SLC2A13: variants seen among roughly 807,000 people sequenced by gnomAD.
The protein encoded by SLC2A13 is solute carrier family 2 member 13, also known as proton myo-inositol cotransporter.
Under a neutral mutation model 64.4 loss-of-function variants are expected in SLC2A13, and 32 were observed. That is an observed-to-expected ratio of 0.50 (90% CI 0.37 to 0.67). The LOEUF (loss-of-function observed/expected upper bound fraction) is 0.67, where lower values mean the gene tolerates loss of function less well. Ranked by LOEUF, SLC2A13 falls within the 30% of genes least tolerant of loss-of-function variation. The pLI is 0.00. For synonymous variants in SLC2A13, 338 were observed against 327.1 expected (o/e 1.03, Z -0.36); for missense variants, 743 against 829.2 (o/e 0.90, Z 1.28).
At chr12:40,082,208 G>C (rs766764913) in intron 1 of SLC2A13, among the ~76,000 whole-genome samples, 31 of 152,208 alleles carry the variant, frequency 2.0e-4, no homozygotes, top group African/African-American at 7.2e-4. Flanking sequence ...TACACATAGT[G>C]TTCACTGAGC....
At chr12:39,951,180 T>G (rs762511416) in intron 4 of SLC2A13, 77 bp downstream of exon 4, 283 of 1,263,170 alleles carry the variant, frequency 2.2e-4, no homozygotes, top group Non-Finnish European at 3.1e-4. Context: ...AGTATTTACA[T>G]GAAATACTTT....
At chr12:39,920,561 A>C (rs939907484) in intron 4 of SLC2A13, among the ~76,000 whole-genome samples, 2 of 152,072 alleles carry the variant, frequency 1.3e-5, no homozygotes, top group Non-Finnish European at 2.9e-5. Context: ...CATGTAGCAA[A>C]GCATCTGGTC....
At chr12:39,999,492 AG>A (rs1390829242) in intron 3 of SLC2A13, among the ~76,000 whole-genome samples, 106 of 152,274 alleles carry the variant, frequency 7.0e-4, no homozygotes, top group African/African-American at 2.5e-3. Context: ...AGTTGAGATA[AG>A]GACTGAAATA....
chr12:39,785,976 T>C (rs1209367853), intron 7 of SLC2A13, among the ~76,000 whole-genome samples: 1 of 152,196 alleles, frequency 6.6e-6, no homozygotes, highest in Non-Finnish European at 1.5e-5. Context: ...TACAGGCTCA[T>C]AGGTGGAAGG....
At chr12:40,036,721 A>G in intron 2 of SLC2A13, among the ~76,000 whole-genome samples, 1 of 152,138 alleles carries the variant, frequency 6.6e-6, no homozygotes. Flanking sequence ...GAATCCTCCA[A>G]CTTTGTTCTT....
At chr12:39,968,698 C>T (rs11564201) in intron 3 of SLC2A13, among the ~76,000 whole-genome samples, 25 of 133,980 alleles carry the variant, frequency 1.9e-4, no homozygotes, top group Non-Finnish European at 3.6e-4. Context: ...CACACTTTCC[C>T]ATTACTGACA....
intron 3 of SLC2A13, among the ~76,000 whole-genome samples, chr12:39,987,222 G>A (rs1443300315): frequency 6.6e-6 from 1 of 152,108 alleles, no homozygotes; most frequent in Non-Finnish European, 1.5e-5. Context: ...TGTGGTCTCT[G>A]CCCCCAAGGA....
At chr12:40,005,590 T>G (rs966926704) in intron 3 of SLC2A13, among the ~76,000 whole-genome samples, 1 of 152,216 alleles carries the variant, frequency 6.6e-6, no homozygotes, top group African/African-American at 2.4e-5. Flanking sequence ...CACCTGAAAC[T>G]TGCTAGAAAT....
chr12:39,932,712 C>A (rs543547879), intron 4 of SLC2A13, among the ~76,000 whole-genome samples: 1 of 152,068 alleles, frequency 6.6e-6, no homozygotes, highest in African/African-American at 2.4e-5. Flanking sequence ...TAAATTCAGA[C>A]GCAAGTGACA....
chr12:39,927,772 CA>C (rs1214320071), intron 4 of SLC2A13, among the ~76,000 whole-genome samples: 50 of 152,140 alleles, frequency 3.3e-4, no homozygotes, highest in African/African-American at 1.2e-3. Context: ...ATTAATTTGA[CA>C]AGTTTATTAA....
chr12:39,940,922 T>C (rs1175594783), intron 4 of SLC2A13, among the ~76,000 whole-genome samples: 2 of 151,920 alleles, frequency 1.3e-5, no homozygotes, highest in Non-Finnish European at 2.9e-5. Context: ...CACCTTTGCG[T>C]CCTCATAGCT....
At chr12:40,005,875 C>T (rs1947407939) in intron 3 of SLC2A13, among the ~76,000 whole-genome samples, 1 of 152,194 alleles carries the variant, frequency 6.6e-6, no homozygotes, top group Non-Finnish European at 1.5e-5. Context: ...GGTTCTCAAC[C>T]TTGGCTGCAT....
chr12:39,798,662 C>A (rs1055656622), intron 7 of SLC2A13, among the ~76,000 whole-genome samples: 15 of 152,156 alleles, frequency 9.9e-5, no homozygotes, highest in African/African-American at 3.4e-4. Context: ...TGGAACAGCC[C>A]GGGCTAGTGC....
At chr12:40,056,017 A>G (rs542008719) in intron 1 of SLC2A13, among the ~76,000 whole-genome samples, 2 of 152,012 alleles carry the variant, frequency 1.3e-5, no homozygotes, top group Admixed American at 1.3e-4. Context: ...AAACAACAAA[A>G]AAAAACACCA....
intron 6 of SLC2A13, among the ~76,000 whole-genome samples, chr12:39,857,288 T>C (rs2135908586): frequency 6.6e-6 from 1 of 152,342 alleles, no homozygotes; most frequent in African/African-American, 2.4e-5. Context: ...ATTATGTGAC[T>C]GTTGTATTTA....
intron 3 of SLC2A13, among the ~76,000 whole-genome samples, chr12:40,011,991 A>C (rs1947539686): frequency 6.6e-6 from 1 of 152,104 alleles, no homozygotes; most frequent in Admixed American, 6.6e-5. Context: ...CAGGAGTTAC[A>C]ACCTGGGATT....
intron 6 of SLC2A13, among the ~76,000 whole-genome samples, chr12:39,863,404 T>C (rs932790882): frequency 4.6e-5 from 7 of 152,192 alleles, no homozygotes; most frequent in African/African-American, 1.2e-4. Context: ...TTTCTAATAA[T>C]TTTTAGGTGA....
At chr12:39,958,013 G>C (rs1287642852) in intron 3 of SLC2A13, among the ~76,000 whole-genome samples, 2 of 152,156 alleles carry the variant, frequency 1.3e-5, no homozygotes, top group African/African-American at 4.8e-5. Flanking sequence ...CCCACAAGAG[G>C]TATGCCACTC....
At chr12:39,780,408 T>G (rs1177942723) in intron 7 of SLC2A13, among the ~76,000 whole-genome samples, 1 of 152,198 alleles carries the variant, frequency 6.6e-6, no homozygotes, top group Non-Finnish European at 1.5e-5. Flanking sequence ...AAATCTCCCC[T>G]AAGTTAGCAT....
Sources: allele counts gnomAD v4.1 joint callset (sites outside exome capture counted in the v4.1 genomes callset), GRCh38; gene constraint gnomAD v4.1.1; transcripts MANE v1.5; gene names NCBI Gene and HGNC (gene_info 2026-07-23, HGNC 2026-07-21).